TIGD5: variants seen among roughly 807,000 people sequenced by gnomAD.
TIGD5 encodes tigger transposable element derived 5.
In TIGD5, 24 loss-of-function variants were observed where a neutral mutation model predicts 28.8. The observed-to-expected ratio is 0.83, with a 90% confidence interval of 0.60 to 1.17. The LOEUF is 1.17. Ranked by LOEUF, TIGD5 falls within the 50% of genes most tolerant of loss-of-function variation. The pLI is 0.00. For synonymous variants in TIGD5, 538 were observed against 430.5 expected, an observed-to-expected ratio of 1.25 and a Z score of -3.09; for missense variants, 922 against 911.4, an observed-to-expected ratio of 1.01 and a Z score of -0.15.
In TIGD5 at chr8:143,600,088, A is replaced by G. The variant is rs1234100646; in HGVS notation, c.*256A>G. 5.0e-6 allele frequency: 2 copies of G among 396,754 alleles called. No individual in the cohort carries two copies. The highest frequency in any genetic ancestry group is 8.9e-6 in the Non-Finnish European group (2 of 225,750). 24.6% of individuals were successfully genotyped at this position (396,754 alleles called of 1,614,324 possible). ...GGGCAGGCACATGTACGGGGCATACAAGGCACAGCGCCTGTTGGAACAGGT... is the reference window on the plus strand; with the variant it reads ...GGGCAGGCACATGTACGGGGCATACGAGGCACAGCGCCTGTTGGAACAGGT... On this transcript the variant is annotated 3_prime_UTR_variant, in exon 1 of 1. Transcript: ENST00000504548.
Position 143,603,025 on chromosome 8 carries a change from A to AC in TIGD5, c.*3197dup, listed in dbSNP as rs1408789946. 1 of 151,966 alleles carries AC rather than the reference A, an allele frequency of 6.6e-6. No individual in the cohort carries two copies. Among genetic ancestry groups the AC allele is most frequent in the Non-Finnish European group, 1.5e-5 (1 of 67,998 alleles). 9.4% of individuals were successfully genotyped at this position (151,966 alleles called of 1,614,324 possible). A position where few individuals can be genotyped will look rare whatever the true frequency, so the allele number is the denominator to read the frequency against. The stretch of plus-strand genomic sequence containing the variant: ...CCCCAGACGGGGGGGTCCTGCAGAG[A>AC]CCCCAACCCCTTACCTACCTAGTTG... On this transcript the variant is annotated 3_prime_UTR_variant, in exon 1 of 1. Transcript: ENST00000504548.
Position 143,601,095 on chromosome 8 carries a change from G to A in TIGD5, c.*1263G>A, listed in dbSNP as rs6558376. On this transcript the variant is annotated 3_prime_UTR_variant, in exon 1 of 1. Transcript: ENST00000504548. The stretch of plus-strand genomic sequence containing the variant: ...GCAGGGGTAGGCTGGAGGCCTGCAC[G>A]GGGAAGGGAAGGGCTGTGCACCAGC... The A allele has an allele frequency of 0.2, 30,536 of 152,226 alleles. 3,238 individuals carry two copies. The highest frequency in any genetic ancestry group is 0.28 in the Middle Eastern group (82 of 294). 9.4% of individuals were successfully genotyped at this position (152,226 alleles called of 1,614,324 possible). A position where few individuals can be genotyped will look rare whatever the true frequency, so the allele number is the denominator to read the frequency against.
At position 143,599,087 on chromosome 8, in the gene TIGD5, C is replaced by A; in HGVS notation, c.1184C>A (p.Pro395Gln). Residue 395 changes from proline (P) to glutamine (Q), a missense_variant, in exon 1 of 1, where the codon CCG (proline) becomes CAG (glutamine). Physicochemically the swap from Pro to Gln is moderately conservative, Grantham distance 76. This residue lies in a region of TIGD5 where 821 missense variants were observed against 815.2 expected (regional missense o/e 1.01). Coordinates refer to ENST00000504548, the MANE Select transcript of TIGD5 (RefSeq NM_032862.5). The part of the protein sequence containing the change: ...PLGPPEELQT[P>Q]DGAVRVLFLS... Reference sequence around the variant, plus strand: ...GGTCCCCCGGAGGAGCTGCAGACACCGGATGGCGCTGTGCGGGTGCTGTTC... The same window carrying A: ...GGTCCCCCGGAGGAGCTGCAGACACAGGATGGCGCTGTGCGGGTGCTGTTC... The A allele has an allele frequency of 6.3e-7, 1 of 1,577,658 alleles. No homozygotes were observed. The highest frequency in any genetic ancestry group is 8.6e-7 in the Non-Finnish European group (1 of 1,164,014).
In TIGD5 at chr8:143,599,511, C is replaced by G. The variant is rs1012164093; in HGVS notation, c.1608C>G (p.Asp536Glu). 1 of 1,590,534 alleles carries G rather than the reference C, an allele frequency of 6.3e-7. No homozygotes were observed. The highest frequency in any genetic ancestry group is 8.6e-7 in the Non-Finnish European group (1 of 1,169,556). Residue 536 changes from aspartate (D) to glutamate (E), a missense_variant, in exon 1 of 1, where the codon GAC becomes GAG. Around this residue, in one of 3 missense-constraint regions of TIGD5, gnomAD observed 821 missense variants for 815.2 expected, o/e 1.01. Transcript: ENST00000504548. ...PEEVAEWLHL[D>E]DDGGPPEGCR... ...AGGTTGCGGAGTGGCTGCACCTGGA[C>G]GATGATGGGGGTCCGCCCGAGGGCT...
At position 143,599,065 on chromosome 8, in the gene TIGD5, C is replaced by G; in HGVS notation, c.1162C>G (p.Pro388Ala). The change falls in exon 1 of 1, where the codon CCC becomes GCC. Residue 388 changes from proline (P) to alanine (A), a missense_variant. Physicochemically the swap from Pro to Ala is conservative, Grantham distance 27. Coordinates refer to ENST00000504548, the MANE Select transcript of TIGD5 (RefSeq NM_032862.5). ...GCGGTGCAGGCCGGAGCCCCTCGGT[C>G]CCCCGGAGGAGCTGCAGACACCGGA... is the stretch of plus-strand genomic sequence containing the variant. ...PVRCRPEPLGPPEELQTPDGA... is the reference protein window; with the variant it reads ...PVRCRPEPLGAPEELQTPDGA... The G allele has an allele frequency of 6.4e-7, 1 of 1,572,316 alleles. No homozygotes were observed. The highest frequency in any genetic ancestry group is 8.6e-7 in the Non-Finnish European group (1 of 1,162,706).
rs149895370 is a variant in TIGD5, at chr8:143,599,227, A to G, written c.1324A>G (p.Ser442Gly). The change falls in exon 1 of 1, where the codon AGC becomes GGC. Residue 442 changes from serine to glycine, a missense_variant. By Grantham distance (56) the Ser-to-Gly change is moderately conservative. Around this residue, in one of 3 missense-constraint regions of TIGD5, gnomAD observed 821 missense variants for 815.2 expected, o/e 1.01. Coordinates refer to ENST00000504548, the MANE Select transcript of TIGD5 (RefSeq NM_032862.5). ...ELLRLAVSCASGSPLDFMRSF... is the reference protein window; with the variant it reads ...ELLRLAVSCAGGSPLDFMRSF... ...GCTGCGACTGGCTGTGTCCTGCGCC[A>G]GCGGCTCCCCGCTGGACTTCATGCG... 6.9e-5 allele frequency: 111 copies of G among 1,611,728 alleles called. No individual in the cohort carries two copies. In the African/African-American group the frequency reaches 1.3e-3, roughly 19 times the overall value.
In TIGD5 at chr8:143,599,227, A is replaced by C; in HGVS notation, c.1324A>C (p.Ser442Arg). The C allele has an allele frequency of 6.2e-7, 1 of 1,611,728 alleles. No homozygotes were observed. Among genetic ancestry groups the C allele is most frequent in the Non-Finnish European group, 8.5e-7 (1 of 1,179,700 alleles). ...GCTGCGACTGGCTGTGTCCTGCGCC[A>C]GCGGCTCCCCGCTGGACTTCATGCG... ...ELLRLAVSCA[S>R]GSPLDFMRSF... Residue 442 changes from serine (S) to arginine (R), a missense_variant, in exon 1 of 1, where the codon AGC becomes CGC. By Grantham distance (110) the Ser-to-Arg change is moderately radical. Coordinates refer to ENST00000504548, the MANE Select transcript of TIGD5 (RefSeq NM_032862.5).
chr8:143,599,962 T>C lies in TIGD5; in HGVS notation c.*130T>C, dbSNP rs1587278912. 3 of 1,071,218 alleles carry C rather than the reference T, an allele frequency of 2.8e-6. No homozygotes were observed. In the East Asian group the frequency reaches 9.2e-5, roughly 33 times the overall value. The allele number at this position is 1,071,218 out of a possible 1,614,324, so 66.4% of individuals were successfully genotyped here. A position where few individuals can be genotyped will look rare whatever the true frequency, so the allele number is the denominator to read the frequency against. ...GTACAGGGGGTTCCAGGAATCCAAA[T>C]CCAGCATGGCTTGGAGGAGCTCTGT... is the stretch of plus-strand genomic sequence containing the variant. On this transcript the variant is annotated 3_prime_UTR_variant, in exon 1 of 1. Coordinates refer to ENST00000504548, the MANE Select transcript of TIGD5 (RefSeq NM_032862.5).
rs1829164151 is a variant in TIGD5 at position 143,598,715 on chromosome 8, GGGGC to G, written c.814_817del (p.Gly272ThrfsTer3). 2 of 1,509,768 alleles carry G rather than the reference GGGGC, an allele frequency of 1.3e-6. No individual in the cohort carries two copies. Among genetic ancestry groups the G allele is most frequent in the African/African-American group, 1.4e-5 (1 of 70,770 alleles). The allele number at this position is 1,509,768 out of a possible 1,614,324, so 93.5% of individuals were successfully genotyped here. On this transcript the variant is annotated frameshift_variant, in exon 1 of 1. Transcript: ENST00000504548. LOFTEE classifies it high-confidence loss of function. This position sits in a 1 kb window ranked among gnomAD's most constrained non-coding sequence, Gnocchi z 6.6. ...GCGGGGGGCTGTGGCCGGCGCTGGC[GGGGC>G]GACCGCGTAACGGTGCTGCTGGCCG...
In TIGD5 at chr8:143,599,805, C is replaced by A; in HGVS notation, c.1902C>A (p.Thr634=). 5.4e-6 allele frequency: 8 copies of A among 1,483,288 alleles called. No homozygotes were observed. The highest frequency in any genetic ancestry group is 7.1e-6 in the Non-Finnish European group (8 of 1,125,894). 91.9% of individuals were successfully genotyped at this position (1,483,288 alleles called of 1,614,324 possible). The change falls in exon 1 of 1, where the codon ACC becomes ACA. Residue 634 remains threonine, a synonymous_variant. Coordinates refer to ENST00000504548, the MANE Select transcript of TIGD5 (RefSeq NM_032862.5). ...MARRLGGIGH[T]PAGPYDGV Reference sequence around the variant, plus strand: ...GGAGGCTGGGGGGCATCGGGCATACCCCAGCAGGCCCCTATGACGGTGTGT... The same window carrying A: ...GGAGGCTGGGGGGCATCGGGCATACACCAGCAGGCCCCTATGACGGTGTGT...
Position 143,597,979 on chromosome 8 carries a change from G to A in TIGD5, c.76G>A (p.Ala26Thr). The A allele has an allele frequency of 1.1e-6, 1 of 893,390 alleles. No homozygotes were observed. Among genetic ancestry groups the A allele is most frequent in the Non-Finnish European group, 1.4e-6 (1 of 730,126 alleles). 55.3% of individuals were successfully genotyped at this position (893,390 alleles called of 1,614,324 possible). The change falls in exon 1 of 1, where the codon GCC becomes ACC. Residue 26 changes from alanine to threonine, a missense_variant. By Grantham distance (58) the Ala-to-Thr change is moderately conservative. Transcript: ENST00000504548. ...TCCCCTGCCCGGGCCCCCCGCGCCC[G>A]CCCCAGCCCCCGTCCCCGCTGCACG... is the stretch of plus-strand genomic sequence containing the variant. Reference protein sequence around the residue: ...RRPLPGPPAPAPAPVPAARPP... With the variant: ...RRPLPGPPAPTPAPVPAARPP...
chr8:143,598,513 A>C lies in TIGD5; in HGVS notation c.610A>C (p.Lys204Gln), dbSNP rs1001156173. 3 of 1,359,392 alleles carry C rather than the reference A, an allele frequency of 2.2e-6. No homozygotes were observed. The highest frequency in any genetic ancestry group is 2.8e-6 in the Non-Finnish European group (3 of 1,063,014). 84.2% of individuals were successfully genotyped at this position (1,359,392 alleles called of 1,614,324 possible). A position where few individuals can be genotyped will look rare whatever the true frequency, so the allele number is the denominator to read the frequency against. ...GAGCCCCGCGCCCGGCCCGCCCGTCAAGGAGGAGCCCGCGCTGCCCTCCGG... is the reference window on the plus strand; with the variant it reads ...GAGCCCCGCGCCCGGCCCGCCCGTCCAGGAGGAGCCCGCGCTGCCCTCCGG... ...APSPAPGPPV[K>Q]EEPALPSGAG... Residue 204 changes from lysine to glutamine, a missense_variant, in exon 1 of 1, where the codon AAG (lysine) becomes CAG (glutamine). Transcript: ENST00000504548. The surrounding 1 kb of genome is among the most constrained non-coding windows in gnomAD (Gnocchi z 6.6).
Position 143,599,871 on chromosome 8 carries a change from A to G in TIGD5, c.*39A>G. 1 of 1,443,184 alleles carries G rather than the reference A, an allele frequency of 6.9e-7. No homozygotes were observed. 89.4% of individuals were successfully genotyped at this position (1,443,184 alleles called of 1,614,324 possible). On this transcript the variant is annotated 3_prime_UTR_variant, in exon 1 of 1. Transcript: ENST00000504548. ...GTGACCTTTCTCCTGCTGCACTTGG[A>G]GGGAGGGGACATACACACAGTCTCC...
chr8:143,598,264 G>T lies in TIGD5; in HGVS notation c.361G>T (p.Glu121Ter), dbSNP rs746801113. 1 of 1,610,030 alleles carries T rather than the reference G, an allele frequency of 6.2e-7. No homozygotes were observed. Among genetic ancestry groups the T allele is most frequent in the Non-Finnish European group, 8.5e-7 (1 of 1,178,874 alleles). The change falls in exon 1 of 1, where the codon GAG becomes TAG. Residue 121 changes from glutamate to a stop codon, truncating the protein, a stop_gained. Coordinates refer to ENST00000504548, the MANE Select transcript of TIGD5 (RefSeq NM_032862.5). LOFTEE classifies it high-confidence loss of function. The surrounding 1 kb of genome is among the most constrained non-coding windows in gnomAD (Gnocchi z 6.6). Reference protein sequence around the residue: ...TQRKKMRLANEEEIDRAVYAW... With the variant: ...TQRKKMRLAN ...GCGCAAGAAGATGCGGCTGGCCAAC[G>T]AGGAGGAGATCGACCGCGCCGTGTA...
chr8:143,599,667 CG>C lies in TIGD5; in HGVS notation c.1768del (p.Glu590ArgfsTer6). On this transcript the variant is annotated frameshift_variant, in exon 1 of 1. Coordinates refer to ENST00000504548, the MANE Select transcript of TIGD5 (RefSeq NM_032862.5). LOFTEE classifies it high-confidence loss of function. ...ATGGAGGGACCTCAGTGCCGACTGC[CG>C]GGGAGGCCGTGCGGGGGCTAGAAAC... ...DYGGTSVPTAGEAVRGLETAL... is the reference protein window; with the variant it reads ...DYGGTSVPTAXEAVRGLETAL... 5 of 1,518,030 alleles carry C rather than the reference CG, an allele frequency of 3.3e-6. No homozygotes were observed. The highest frequency in any genetic ancestry group is 8.8e-7 in the Non-Finnish European group (1 of 1,136,706). The allele number at this position is 1,518,030 out of a possible 1,614,324, so 94.0% of individuals were successfully genotyped here.
rs765828967 is a variant in TIGD5 at position 143,598,075 on chromosome 8, A to G, written c.172A>G (p.Ile58Val). 6.6e-7 allele frequency: 1 copy of G among 1,523,698 alleles called. No individual in the cohort carries two copies. The highest frequency in any genetic ancestry group is 2.0e-5 in the Admixed American group (1 of 50,448). 94.4% of individuals were successfully genotyped at this position (1,523,698 alleles called of 1,614,324 possible). A position where few individuals can be genotyped will look rare whatever the true frequency, so the allele number is the denominator to read the frequency against. ...VKMAFRKAYS[I>V]KDKLQAIERV... is the part of the protein sequence containing the mutation. ...GATGGCCTTCCGCAAGGCCTACTCCATCAAGGACAAGCTGCAGGCCATCGA... is the reference window on the plus strand; with the variant it reads ...GATGGCCTTCCGCAAGGCCTACTCCGTCAAGGACAAGCTGCAGGCCATCGA... Residue 58 changes from isoleucine to valine, a missense_variant, in exon 1 of 1, where the codon ATC (isoleucine) becomes GTC (valine). Physicochemically the swap from Ile to Val is conservative, Grantham distance 29 (BLOSUM62 3). Around this residue, in one of 3 missense-constraint regions of TIGD5, gnomAD observed 14 missense variants for 35.3 expected, o/e 0.40. Transcript: ENST00000504548. The surrounding 1 kb of genome is among the most constrained non-coding windows in gnomAD (Gnocchi z 6.6).
Position 143,599,708 on chromosome 8 carries a change from T to C in TIGD5, c.1805T>C (p.Leu602Pro). 1 of 1,510,288 alleles carries C rather than the reference T, an allele frequency of 6.6e-7. No homozygotes were observed. Among genetic ancestry groups the C allele is most frequent in the Non-Finnish European group, 8.8e-7 (1 of 1,135,912 alleles). The allele number at this position is 1,510,288 out of a possible 1,614,324, so 93.6% of individuals were successfully genotyped here. A position where few individuals can be genotyped will look rare whatever the true frequency, so the allele number is the denominator to read the frequency against. ...GGGCTAGAAACAGCTCTGCGGTGGCTGGAGAACCAGGACCCCAGAGAGGTG... is the reference window on the plus strand; with the variant it reads ...GGGCTAGAAACAGCTCTGCGGTGGCCGGAGAACCAGGACCCCAGAGAGGTG... Reference protein sequence around the residue: ...VRGLETALRWLENQDPREVGP... With the variant: ...VRGLETALRWPENQDPREVGP... Residue 602 changes from leucine (L) to proline (P), a missense_variant, in exon 1 of 1, where the codon CTG (leucine) becomes CCG (proline). Coordinates refer to ENST00000504548, the MANE Select transcript of TIGD5 (RefSeq NM_032862.5).
chr8:143,602,166 C>T lies in TIGD5; in HGVS notation c.*2334C>T, dbSNP rs914557412. On this transcript the variant is annotated 3_prime_UTR_variant, in exon 1 of 1. Coordinates refer to ENST00000504548, the MANE Select transcript of TIGD5 (RefSeq NM_032862.5). ...AGGAGCCTGTCAAGAGTGGGTCTGC[C>T]TGCTGGCACTTACTAGACGGGAAAT... is the stretch of plus-strand genomic sequence containing the variant. 6.6e-6 allele frequency: 1 copy of T among 151,686 alleles called. No homozygotes were observed. Among genetic ancestry groups the T allele is most frequent in the East Asian group, 1.9e-4 (1 of 5,180 alleles). The allele number at this position is 151,686 out of a possible 1,614,324, so 9.4% of individuals were successfully genotyped here.
In TIGD5 at chr8:143,599,094, C is replaced by T. The variant is rs781652798; in HGVS notation, c.1191C>T (p.Gly397=). The T allele has an allele frequency of 1.3e-6, 2 of 1,578,548 alleles. No individual in the cohort carries two copies. Among genetic ancestry groups the T allele is most frequent in the African/African-American group, 1.3e-5 (1 of 74,336 alleles). ...GPPEELQTPD[G]AVRVLFLSKG... is the part of the protein sequence containing the mutation. ...CGGAGGAGCTGCAGACACCGGATGG[C>T]GCTGTGCGGGTGCTGTTCCTGTCCA... The change falls in exon 1 of 1, where the codon GGC becomes GGT. Residue 397 remains glycine (G), a synonymous_variant. Transcript: ENST00000504548.
Sources: allele counts gnomAD v4.1 joint callset, GRCh38; gene constraint gnomAD v4.1.1; regional missense constraint gnomAD v4.1.1; non-coding constraint Gnocchi (gnomAD v3.1); transcripts MANE v1.5; gene names NCBI Gene and HGNC (gene_info 2026-07-23, HGNC 2026-07-21).